Variants in IAPP observed in about 807,000 individuals in gnomAD.
IAPP encodes the protein islet amyloid polypeptide.
In IAPP, 4 loss-of-function variants were observed where a neutral mutation model predicts 2.9. The observed-to-expected ratio is 1.39, with a 90% confidence interval of 0.69 to 3.19. The LOEUF (loss-of-function observed/expected upper bound fraction) is 3.19, where lower values mean the gene tolerates loss of function less well. IAPP is among the 30% of genes most tolerant of loss of function. The probability of loss-of-function intolerance (pLI) is 0.01; values close to 1 mark genes in which losing one functional copy is unlikely to be tolerated. For synonymous variants in IAPP, 40 were observed against 42.1 expected (o/e 0.95, Z 0.19); for missense variants, 114 against 105.3 (o/e 1.08, Z -0.36).
At chr12:21,368,257 G>A (rs1565518926), upstream of IAPP, among the ~76,000 whole-genome samples, 1 of 152,102 alleles carries the variant, frequency 6.6e-6, no homozygotes, top group Non-Finnish European at 1.5e-5. Context: ...TACAAGTATA[G>A]AGGAAATGCA....
intron 1 of IAPP, among the ~76,000 whole-genome samples, chr12:21,356,322 T>C (rs1382907569): frequency 6.6e-6 from 1 of 152,054 alleles, no homozygotes; most frequent in African/African-American, 2.4e-5. Flanking sequence ...ATACCTATGA[T>C]ATTAAGAAAT....
chr12:21,362,309 C>T (rs565716075), intron 1 of IAPP, among the ~76,000 whole-genome samples: 27 of 152,162 alleles, frequency 1.8e-4, no homozygotes, highest in African/African-American at 5.8e-4. Context: ...AAGCTTCATA[C>T]GTGATGGAGA....
At chr12:21,370,820 A>G (rs2137083241), upstream of IAPP, among the ~76,000 whole-genome samples, 1 of 152,298 alleles carries the variant, frequency 6.6e-6, no homozygotes, top group East Asian at 1.9e-4. Flanking sequence ...ATTTAATGTC[A>G]CTGGCCCTGG....
chr12:21,357,370 T>C (rs73069071), intron 1 of IAPP, among the ~76,000 whole-genome samples: 21,467 of 152,052 alleles, frequency 0.14, 1,639 homozygotes, highest in Middle Eastern at 0.21. Flanking sequence ...ACCAACAAGA[T>C]TGCCAGCAAA....
intron 1 of IAPP, among the ~76,000 whole-genome samples, chr12:21,367,545 T>C (rs553414676): frequency 6.6e-6 from 1 of 152,224 alleles, no homozygotes; most frequent in Non-Finnish European, 1.5e-5. Context: ...TATCATATTT[T>C]ATCATTCTCT....
chr12:21,358,092 GAA>G (rs1365237000), intron 1 of IAPP, among the ~76,000 whole-genome samples: 1 of 152,108 alleles, frequency 6.6e-6, no homozygotes, highest in African/African-American at 2.4e-5. Context: ...AAGGAGATAT[GAA>G]AAGAGTGTTG....
intron 2 of IAPP, among the ~76,000 whole-genome samples, chr12:21,375,145 T>C (rs574300224): frequency 6.6e-6 from 1 of 152,316 alleles, no homozygotes; most frequent in African/African-American, 2.4e-5. Context: ...TGTTTGTTTA[T>C]TATGAGAGAA....
At chr12:21,371,928 G>A (rs1591893048), upstream of IAPP, among the ~76,000 whole-genome samples, 1 of 151,916 alleles carries the variant, frequency 6.6e-6, no homozygotes, top group Non-Finnish European at 1.5e-5. Flanking sequence ...CTTGAACCCG[G>A]GAGGCACAGG....
At chr12:21,355,623 T>C (rs12820524) in intron 1 of IAPP, among the ~76,000 whole-genome samples, 1,974 of 152,294 alleles carry the variant, frequency 0.013, 17 homozygotes, top group Non-Finnish European at 0.021. Flanking sequence ...GAATTCTGTA[T>C]AGTGGCAATG....
chr12:21,365,888 G>T (rs975235996), intron 1 of IAPP, among the ~76,000 whole-genome samples: 27 of 152,146 alleles, frequency 1.8e-4, no homozygotes, highest in African/African-American at 6.3e-4. Flanking sequence ...TCATTAAAAA[G>T]TCAGGAAACA....
chr12:21,378,383 T>C lies in IAPP; in HGVS notation c.227T>C (p.Val76Ala). The change falls in exon 3 of 3, where the codon GTA becomes GCA. Residue 76 changes from valine (V) to alanine (A), a missense_variant. Physicochemically the swap from Val to Ala is moderately conservative, Grantham distance 64. Transcript: ENST00000240652. ...GSNTYGKRNA[V>A]EVLKREPLNY... The stretch of plus-strand genomic sequence containing the variant: ...AATACATATGGCAAGAGGAATGCAG[T>C]AGAGGTTTTAAAGAGAGAGCCACTG... 6.2e-7 allele frequency: 1 copy of C among 1,614,074 alleles called. No individual in the cohort carries two copies. Among genetic ancestry groups the C allele is most frequent in the Non-Finnish European group, 8.5e-7 (1 of 1,179,926 alleles).
upstream of IAPP, among the ~76,000 whole-genome samples, chr12:21,369,553 G>A (rs574845978): frequency 1.1e-4 from 16 of 152,264 alleles, no homozygotes; most frequent in African/African-American, 2.2e-4. Flanking sequence ...GATAACCACC[G>A]TAGAGGTGTG....
upstream of IAPP, chr12:21,372,890 T>A (rs1272756364): frequency 1.0e-5 from 2 of 197,572 alleles, no homozygotes; most frequent in African/African-American, 4.8e-5. Context: ...GCTGGATTAC[T>A]AGTTAGCAAA....
At chr12:21,371,550 A>G (rs1939790643), upstream of IAPP, among the ~76,000 whole-genome samples, 1 of 152,220 alleles carries the variant, frequency 6.6e-6, no homozygotes, top group South Asian at 2.1e-4. Context: ...GCTTTTAAGA[A>G]GTATATGAAA....
chr12:21,375,029 G>T (rs1212504730), intron 2 of IAPP, among the ~76,000 whole-genome samples: 1 of 151,998 alleles, frequency 6.6e-6, no homozygotes, highest in Non-Finnish European at 1.5e-5. Context: ...TGATGCCCAG[G>T]CTGGTGTCAA....
intron 2 of IAPP, among the ~76,000 whole-genome samples, chr12:21,375,024 C>A (rs1246650452): frequency 6.6e-6 from 1 of 152,092 alleles, no homozygotes; most frequent in East Asian, 1.9e-4. Context: ...CCCTATGATG[C>A]CCAGGCTGGT....
intron 2 of IAPP, among the ~76,000 whole-genome samples, 170 bp from the exon 3 acceptor site, chr12:21,378,067 G>A (rs1940334231): frequency 6.6e-6 from 1 of 151,984 alleles, no homozygotes; most frequent in Non-Finnish European, 1.5e-5. Context: ...TTATTTCAAG[G>A]TGTCAAAAAA....
At position 21,376,535 on chromosome 12, in the gene IAPP, G is replaced by A. The variant is rs190459298; in HGVS notation, c.81-1702G>A. Among the ~76,000 whole-genome samples, 152 of 152,186 alleles carry A rather than the reference G, an allele frequency of 1.0e-3. 1 individual carries two copies. Among genetic ancestry groups the A allele is most frequent in the Non-Finnish European group, 1.7e-3 (115 of 67,970 alleles). On this transcript the variant is annotated intron_variant, in intron 2 of 2. Transcript: ENST00000240652. The stretch of plus-strand genomic sequence containing the variant: ...ATAGGTTAAATAATTAGATCCCAAA[G>A]TGGTTTTCTTTGCCCAGATAATTTG...
chr12:21,356,443 C>T (rs1024333048), intron 1 of IAPP, among the ~76,000 whole-genome samples: 1 of 150,434 alleles, frequency 6.6e-6, no homozygotes, highest in Non-Finnish European at 1.5e-5. Flanking sequence ...AAATTTATAC[C>T]TAAAGATAAC....
Sources: gnomAD v4.1 joint callset for allele counts (sites outside exome capture counted in the v4.1 genomes callset) on GRCh38, gnomAD v4.1.1 for gene constraint, MANE v1.5 for transcripts, NCBI Gene and HGNC (gene_info 2026-07-23, HGNC 2026-07-21) for gene names.